Variants in VCF1 observed in about 807,000 individuals in gnomAD.
VCF1 encodes protein VCF1.
At chr17:73,228,181 T>C in the VCF1 span, among the ~76,000 whole-genome samples, 3,872 of 152,320 alleles carry the variant, frequency 0.025, 180 homozygotes, top group African/African-American at 0.089. Context: ...TTTCCGTCAC[T>C]GCAGAACGTT....
the VCF1 span, chr17:73,209,636 C>T: frequency 1.3e-5 from 21 of 1,559,178 alleles, no homozygotes; most frequent in South Asian, 9.5e-5. Context: ...TGCTCGGGCA[C>T]GGGCTGAGGC....
chr17:73,223,128 A>G, the VCF1 span, among the ~76,000 whole-genome samples: 1 of 152,074 alleles, frequency 6.6e-6, no homozygotes. Context: ...GACCAGCCTG[A>G]CCAACATGGA....
chr17:73,212,014 G>A, the VCF1 span, among the ~76,000 whole-genome samples: 74,162 of 151,926 alleles, frequency 0.49, 18,382 homozygotes, highest in East Asian at 0.6. Flanking sequence ...CTACGCAATC[G>A]GAATGAGACT....
the VCF1 span, chr17:73,212,813 T>C: frequency 8.7e-7 from 1 of 1,151,732 alleles, no homozygotes; most frequent in Non-Finnish European, 1.3e-6. Flanking sequence ...ATCTATTTCG[T>C]ACTATAATAG....
chr17:73,225,882 A>ATATATATATAT, the VCF1 span, among the ~76,000 whole-genome samples: 2 of 74,696 alleles, frequency 2.7e-5, no homozygotes, highest in African/African-American at 1.1e-4. Context: ...ATATATATAT[A>ATATATATATAT]ATATATATAT....
chr17:73,208,199 C>A, the VCF1 span: 11 of 1,584,806 alleles, frequency 6.9e-6, no homozygotes, highest in Admixed American at 5.3e-5. Flanking sequence ...AGCCATCGTG[C>A]TTCTCAGCTC....
chr17:73,226,304 A>C, the VCF1 span, among the ~76,000 whole-genome samples: 1 of 152,252 alleles, frequency 6.6e-6, no homozygotes, highest in Non-Finnish European at 1.5e-5. Flanking sequence ...TGTTACCTAC[A>C]TGAAAGTTCC....
chr17:73,207,620 C>A, the VCF1 span: 1 of 1,069,106 alleles, frequency 9.4e-7, no homozygotes, highest in Non-Finnish European at 1.3e-6. Context: ...TTTTATCTTC[C>A]CTTTTAGTTG....
At chr17:73,224,940 C>CAGGACAGG in the VCF1 span, among the ~76,000 whole-genome samples, 35 of 107,342 alleles carry the variant, frequency 3.3e-4, no homozygotes, top group Non-Finnish European at 5.5e-4. Flanking sequence ...GACAGCACAG[C>CAGGACAGG]ACAGCACAGC....
At chr17:73,222,210 A>AAT in the VCF1 span, among the ~76,000 whole-genome samples, 1 of 151,628 alleles carries the variant, frequency 6.6e-6, no homozygotes, top group Non-Finnish European at 1.5e-5. Flanking sequence ...AAAAAAAAAA[A>AAT]AAATTAAATT....
the VCF1 span, among the ~76,000 whole-genome samples, chr17:73,230,569 G>C: frequency 6.6e-6 from 1 of 152,084 alleles, no homozygotes; most frequent in Non-Finnish European, 1.5e-5. Flanking sequence ...TAATTTTTTT[G>C]TATTTTTAGT....
the VCF1 span, chr17:73,229,087 G>C: frequency 1.0e-6 from 1 of 954,696 alleles, no homozygotes; most frequent in Non-Finnish European, 1.2e-6. Context: ...AAGATGAGAT[G>C]ATTTTGTGGA....
the VCF1 span, among the ~76,000 whole-genome samples, chr17:73,223,833 T>G: frequency 3.3e-5 from 5 of 150,822 alleles, no homozygotes; most frequent in African/African-American, 9.7e-5. Context: ...TTAAAAAAAT[T>G]AGCCAGGTTT....
chr17:73,209,660 A>G, the VCF1 span: 1 of 1,552,814 alleles, frequency 6.4e-7, no homozygotes, highest in South Asian at 1.2e-5. Flanking sequence ...TTAGGGCTGG[A>G]TCCGGCCATG....
chr17:73,214,636 T>C, the VCF1 span, among the ~76,000 whole-genome samples: 1 of 152,254 alleles, frequency 6.6e-6, no homozygotes, highest in South Asian at 2.1e-4. Context: ...GTAAACATCT[T>C]GAAACAGGAA....
chr17:73,227,140 C>T, the VCF1 span: 1 of 1,494,126 alleles, frequency 6.7e-7, no homozygotes, highest in Non-Finnish European at 9.0e-7. Context: ...GTGAAAACAA[C>T]AGACTATGTG....
chr17:73,217,302 G>C, the VCF1 span, among the ~76,000 whole-genome samples: 1 of 151,706 alleles, frequency 6.6e-6, no homozygotes, highest in Non-Finnish European at 1.5e-5. Context: ...GCAGTGAGCT[G>C]AGAATGTGCC....
At chr17:73,219,178 A>C in the VCF1 span, among the ~76,000 whole-genome samples, 3 of 147,534 alleles carry the variant, frequency 2.0e-5, no homozygotes, top group East Asian at 2.0e-4. Flanking sequence ...GCAACAAGAG[A>C]AAAACTCCGT....
the VCF1 span, chr17:73,212,529 T>A: frequency 1.8e-6 from 1 of 543,338 alleles, no homozygotes; most frequent in Non-Finnish European, 3.2e-6. Context: ...CTGTATTTAC[T>A]TAGAGGCTTA....
Sources: gnomAD v4.1 joint callset for allele counts (sites outside exome capture counted in the v4.1 genomes callset) on GRCh38, gnomAD v4.1.1 for gene constraint, MANE v1.5 for transcripts, NCBI Gene and HGNC (gene_info 2026-07-23, HGNC 2026-07-21) for gene names.